PDXDC1: variants seen among roughly 807,000 people sequenced by gnomAD.
PDXDC1 encodes pyridoxal dependent decarboxylase domain containing 1, also known as pyridoxal-dependent decarboxylase domain-containing protein 1.
In PDXDC1, 42 loss-of-function variants were observed where a neutral mutation model predicts 100.1. That is an observed-to-expected ratio of 0.42 (90% CI 0.33 to 0.54). The LOEUF is 0.54. PDXDC1 is among the 20% of genes least tolerant of loss of function. The probability of loss-of-function intolerance (pLI) is 0.10; values close to 1 mark genes in which losing one functional copy is unlikely to be tolerated. For missense variants in PDXDC1, 636 were observed against 979.2 expected (o/e 0.65, Z 4.68); for synonymous variants, 260 against 371.7 (o/e 0.70, Z 3.46).
At chr16:15,148,199 C>A in the PDXDC1 span, among the ~76,000 whole-genome samples, 2 of 151,200 alleles carry the variant, frequency 1.3e-5, no homozygotes, top group East Asian at 2.0e-4. Context: ...CTCCTGGCCT[C>A]AAGCCATCTG....
intron 3 of PDXDC1, among the ~76,000 whole-genome samples, chr16:15,000,230 A>G (rs1259779968): frequency 6.6e-6 from 1 of 152,296 alleles, no homozygotes. Flanking sequence ...GCCTTAAGCC[A>G]CTGACTAGGA....
chr16:15,054,227 G>A (rs2044410300), intron 16 of PDXDC1, among the ~76,000 whole-genome samples: 1 of 152,100 alleles, frequency 6.6e-6, no homozygotes, highest in Non-Finnish European at 1.5e-5. Context: ...TTACACTGCC[G>A]CAAATCAAAG....
At position 15,008,595 on chromosome 16, in the gene PDXDC1, C is replaced by T. The variant is rs1232316555; in HGVS notation, c.580-184C>T. Among the ~76,000 whole-genome samples, 8 of 144,606 alleles carry T rather than the reference C, an allele frequency of 5.5e-5. No homozygotes were observed. In the Admixed American group the frequency reaches 5.5e-4, roughly 10 times the overall value. The allele number at this position is 144,606 out of a possible 152,430, so 94.9% of individuals were successfully genotyped here. A position where few individuals can be genotyped will look rare whatever the true frequency, so the allele number is the denominator to read the frequency against. On this transcript the variant is annotated intron_variant, in intron 6 of 22. Transcript: ENST00000396410. ...CTTATAAGGCACTTGGAAATTCACC[C>T]TTTTTTTTTTTTCGGCTTGGCTTTC...
chr16:15,130,724 A>C (rs775858230), intron 16 of PDXDC1: 6 of 1,493,768 alleles, frequency 4.0e-6, no homozygotes, highest in Non-Finnish European at 4.6e-6. Flanking sequence ...AGTTGTGCTC[A>C]TTGGGCCGGG....
At chr16:15,077,072 C>A (rs1055851525) in intron 16 of PDXDC1, among the ~76,000 whole-genome samples, 12 of 151,900 alleles carry the variant, frequency 7.9e-5, no homozygotes, top group African/African-American at 2.9e-4. Context: ...CTCCGCCCCC[C>A]AGGTTCAAGA....
chr16:15,149,085 G>A, the PDXDC1 span, among the ~76,000 whole-genome samples: 6 of 152,308 alleles, frequency 3.9e-5, no homozygotes, highest in East Asian at 3.9e-4. Flanking sequence ...CCTCACCACT[G>A]CCTCCGCTCG....
chr16:15,131,419 G>A, intron 16 of PDXDC1: 1 of 1,608,056 alleles, frequency 6.2e-7, no homozygotes, highest in Non-Finnish European at 8.5e-7. Flanking sequence ...ACTGAGGTTA[G>A]CCGGGGCCCT....
chr16:15,076,087 C>A (rs1322029924), intron 16 of PDXDC1, among the ~76,000 whole-genome samples: 2 of 152,104 alleles, frequency 1.3e-5, no homozygotes, highest in Admixed American at 1.3e-4. Flanking sequence ...AAGTGAGACC[C>A]GGCCCCCGTT....
intron 16 of PDXDC1, among the ~76,000 whole-genome samples, chr16:15,096,143 C>A (rs1259997246): frequency 6.6e-6 from 1 of 151,758 alleles, no homozygotes; most frequent in Non-Finnish European, 1.5e-5. Context: ...GAGTCTCGCT[C>A]TGTCACCCAG....
intron 16 of PDXDC1, among the ~76,000 whole-genome samples, chr16:15,102,746 T>C (rs1371439673): frequency 1.6e-3 from 204 of 131,448 alleles, no homozygotes; most frequent in Middle Eastern, 0.015. Flanking sequence ...AGCCTGGGAG[T>C]TCGAGACCAG....
chr16:15,136,726 T>C (rs2048357127), intron 16 of PDXDC1: 37 of 1,533,124 alleles, frequency 2.4e-5, no homozygotes, highest in Non-Finnish European at 3.2e-5. Flanking sequence ...GATCTCCGTG[T>C]CCGAGGGGCA....
At chr16:15,029,652 T>TG (rs1567710260) in intron 15 of PDXDC1, 1 of 512,498 alleles carries the variant, frequency 2.0e-6, no homozygotes. Context: ...GAAAAGACGC[T>TG]GGGGGCAGAC....
At chr16:15,017,478 T>C (rs908002300) in intron 11 of PDXDC1, 56 bp downstream of exon 11, 1 of 1,438,134 alleles carries the variant, frequency 7.0e-7, no homozygotes, top group Admixed American at 1.8e-5. Context: ...ATTATTGGCT[T>C]TGGGGGCAAA....
At chr16:15,034,799 G>A (rs1350269119) in intron 21 of PDXDC1, among the ~76,000 whole-genome samples, 1 of 152,192 alleles carries the variant, frequency 6.6e-6, no homozygotes, top group Non-Finnish European at 1.5e-5. Flanking sequence ...GCAAGGCCAT[G>A]AGGACACGCC....
At chr16:15,019,072 C>T in intron 12 of PDXDC1, 107 bp downstream of exon 12, 3 of 1,533,036 alleles carry the variant, frequency 2.0e-6, no homozygotes, top group East Asian at 2.3e-5. Context: ...TCTGGATTGA[C>T]TGTCTCGTGA....
chr16:15,094,538 C>T (rs1399846263), intron 16 of PDXDC1: 4 of 473,324 alleles, frequency 8.5e-6, no homozygotes, highest in Non-Finnish European at 1.5e-5. Flanking sequence ...AAGCTGTGGC[C>T]GGGTACACTC....
rs745368654 is a variant in PDXDC1 at position 15,033,377 on chromosome 16, G to C, written c.1790G>C (p.Arg597Pro). The change falls in exon 19 of 23, where the codon CGG becomes CCG. Residue 597 changes from arginine (R) to proline (P), a missense_variant. Coordinates refer to ENST00000396410, the MANE Select transcript of PDXDC1 (RefSeq NM_015027.4). ...GTGGAGACCATTGCGGCCACAGCCC[G>C]GGAGATAGAGGAGAACTCGAGGGTC... Reference protein sequence around the residue: ...ELVETIAATAREIEENSRLLE... With the variant: ...ELVETIAATAPEIEENSRLLE... 1 of 1,614,124 alleles carries C rather than the reference G, an allele frequency of 6.2e-7. No homozygotes were observed. Among genetic ancestry groups the C allele is most frequent in the Non-Finnish European group, 8.5e-7 (1 of 1,180,002 alleles).
At position 15,001,124 on chromosome 16, in the gene PDXDC1, G is replaced by A. The variant is rs559135870; in HGVS notation, c.162-652G>A. ...AATCCCAGCACTATTGGAGGCTGAGGCAGGAGGATTGCTTGAGCTTGGTGG... is the reference window on the plus strand; with the variant it reads ...AATCCCAGCACTATTGGAGGCTGAGACAGGAGGATTGCTTGAGCTTGGTGG... On this transcript the variant is annotated intron_variant, in intron 3 of 22. Transcript: ENST00000396410. 9.6e-4 allele frequency among the ~76,000 whole-genome samples: 146 copies of A among 152,292 alleles called. No homozygotes were observed. The South Asian group carries it at 0.015, about 15-fold the overall frequency.
rs141464217 is a variant in PDXDC1, at chr16:15,086,438, T to C, written c.1400-52441T>C. The C allele has an allele frequency of 2.7e-5, 43 of 1,612,834 alleles. No homozygotes were observed. The highest frequency in any genetic ancestry group is 1.7e-4 in the Middle Eastern group (1 of 5,984). ...AGAAGAACGGAATTCTAGCAGCCAG[T>C]TGATGATCTGGTCATCCTTAAGTTA... On this transcript the variant is annotated intron_variant, in intron 16 of 16. Transcript: ENST00000535621.
Sources: gnomAD v4.1 joint callset for allele counts (sites outside exome capture counted in the v4.1 genomes callset) on GRCh38, gnomAD v4.1.1 for gene constraint, MANE v1.5 for transcripts, NCBI Gene and HGNC (gene_info 2026-07-23, HGNC 2026-07-21) for gene names.